Variants in SV2C observed in about 807,000 individuals in gnomAD.
The protein encoded by SV2C is solute carrier family 22 member B3.
In SV2C, 49 loss-of-function variants were observed where a neutral mutation model predicts 79.7. The ratio of observed to expected loss-of-function variants is 0.61; its 90% CI spans 0.49 to 0.78. The LOEUF (loss-of-function observed/expected upper bound fraction) is 0.78. SV2C is among the 30% of genes least tolerant of loss of function. The pLI is 0.00. For synonymous variants in SV2C, 334 were observed against 333.2 expected (o/e 1.00, Z -0.03); for missense variants, 833 against 912.9 (o/e 0.91, Z 1.13).
chr5:76,027,034 G>GA, the SV2C span, among the ~76,000 whole-genome samples: 1 of 146,516 alleles, frequency 6.8e-6, no homozygotes, highest in Non-Finnish European at 1.5e-5. Flanking sequence ...TTTATTTTTT[G>GA]AAAAAAAGTA....
intron 4 of SV2C, among the ~76,000 whole-genome samples, chr5:76,225,437 A>G (rs1745207418): frequency 6.6e-6 from 1 of 152,216 alleles, no homozygotes; most frequent in African/African-American, 2.4e-5. Flanking sequence ...GGATACTTGC[A>G]AAGAGGTTGG....
chr5:75,926,110 A>G, the SV2C span, among the ~76,000 whole-genome samples: 1 of 152,192 alleles, frequency 6.6e-6, no homozygotes, highest in Non-Finnish European at 1.5e-5. Flanking sequence ...TCAAAGTTAT[A>G]TATAAATTAG....
At chr5:76,346,214 C>G (rs922886806) in intron 12 of SV2C, among the ~76,000 whole-genome samples, 3 of 152,050 alleles carry the variant, frequency 2.0e-5, no homozygotes, top group African/African-American at 7.3e-5. Context: ...ATCTTAAGTG[C>G]GCACATAATG....
At chr5:76,037,845 C>G in the SV2C span, among the ~76,000 whole-genome samples, 3 of 152,242 alleles carry the variant, frequency 2.0e-5, no homozygotes, top group Admixed American at 1.3e-4. Context: ...CCCCCAGCCT[C>G]GTTGCCGCCT....
chr5:75,943,579 C>G, the SV2C span, among the ~76,000 whole-genome samples: 557 of 152,260 alleles, frequency 3.7e-3, 3 homozygotes, highest in African/African-American at 0.013. Context: ...AGCCATGTTT[C>G]TCAAAATGAA....
chr5:75,871,552 G>A, the SV2C span, among the ~76,000 whole-genome samples: 1 of 152,142 alleles, frequency 6.6e-6, no homozygotes, highest in African/African-American at 2.4e-5. Flanking sequence ...GCTCATGCCT[G>A]TAATCCCAGC....
intron 12 of SV2C, chr5:76,311,352 C>T (rs1748434147): frequency 6.6e-6 from 1 of 152,148 alleles, no homozygotes; most frequent in African/African-American, 2.4e-5. Context: ...AATTCTTAGG[C>T]GTAGACTTGA....
the SV2C span, among the ~76,000 whole-genome samples, chr5:75,957,058 C>T: frequency 6.6e-6 from 1 of 151,922 alleles, no homozygotes; most frequent in African/African-American, 2.4e-5. Context: ...TCCGTCATTT[C>T]CTCATTCCCT....
chr5:76,179,177 C>G (rs12152728), intron 2 of SV2C, among the ~76,000 whole-genome samples: 105,185 of 152,072 alleles, frequency 0.69, 37,514 homozygotes, highest in East Asian at 0.97. Flanking sequence ...TATGAATGTG[C>G]AGTTGAAGTT....
chr5:76,007,511 T>C, the SV2C span, among the ~76,000 whole-genome samples: 1 of 152,126 alleles, frequency 6.6e-6, no homozygotes, highest in African/African-American at 2.4e-5. Flanking sequence ...TCAATAAACA[T>C]TGGCACTCTT....
At chr5:75,932,568 C>G in the SV2C span, among the ~76,000 whole-genome samples, 2 of 152,248 alleles carry the variant, frequency 1.3e-5, no homozygotes, top group Non-Finnish European at 2.9e-5. Context: ...TAACTAAAAG[C>G]ATTCCTTACA....
the SV2C span, among the ~76,000 whole-genome samples, chr5:75,865,992 G>A: frequency 6.6e-6 from 1 of 152,102 alleles, no homozygotes; most frequent in African/African-American, 2.4e-5. Flanking sequence ...CCTGCCATTG[G>A]GAGGAGTTTC....
the SV2C span, among the ~76,000 whole-genome samples, chr5:75,914,797 T>C: frequency 2.6e-5 from 4 of 152,236 alleles, no homozygotes; most frequent in African/African-American, 9.6e-5. Flanking sequence ...TGAAAACTTA[T>C]GGATGTGATA....
At chr5:76,080,891 G>C (rs1746975899), upstream of SV2C, among the ~76,000 whole-genome samples, 1 of 152,200 alleles carries the variant, frequency 6.6e-6, no homozygotes, top group Admixed American at 6.5e-5. Context: ...CTGGATCCAA[G>C]GGGCCTGGGG....
the SV2C span, among the ~76,000 whole-genome samples, chr5:76,034,557 A>T: frequency 0.42 from 63,252 of 151,806 alleles, 15,195 homozygotes; most frequent in Middle Eastern, 0.58. Flanking sequence ...ACATTTATTG[A>T]TTTGCGTATA....
intron 12 of SV2C, among the ~76,000 whole-genome samples, chr5:76,348,187 A>G (rs1354839080): frequency 1.3e-5 from 2 of 152,156 alleles, no homozygotes; most frequent in Non-Finnish European, 1.5e-5. Flanking sequence ...TAGCCTTTTC[A>G]GATTGGCTTT....
chr5:76,299,417 C>T (rs1352425110), intron 10 of SV2C, among the ~76,000 whole-genome samples: 1 of 152,220 alleles, frequency 6.6e-6, no homozygotes, highest in Non-Finnish European at 1.5e-5. Context: ...GTTTTCTACT[C>T]TAGGTCATTA....
chr5:75,898,940 C>G, the SV2C span, among the ~76,000 whole-genome samples: 1 of 152,000 alleles, frequency 6.6e-6, no homozygotes, highest in African/African-American at 2.4e-5. Flanking sequence ...TTTATTGCAT[C>G]TTTTTGATTC....
chr5:75,903,032 T>A, the SV2C span, among the ~76,000 whole-genome samples: 1 of 152,174 alleles, frequency 6.6e-6, no homozygotes, highest in Non-Finnish European at 1.5e-5. Flanking sequence ...TTGTTTTTAT[T>A]TTTCAGTTAA....
Sources: allele counts gnomAD v4.1 joint callset (sites outside exome capture counted in the v4.1 genomes callset), GRCh38; gene constraint gnomAD v4.1.1; transcripts MANE v1.5; gene names NCBI Gene and HGNC (gene_info 2026-07-23, HGNC 2026-07-21).